The following POLR1D variants were observed in gnomAD, a reference collection of about 807,000 sequenced individuals.
POLR1D encodes RNA polymerase I and III subunit D.
In POLR1D, 8 loss-of-function variants were observed where a neutral mutation model predicts 10.8. That is an observed-to-expected ratio of 0.74 (90% CI 0.43 to 1.33). The LOEUF (loss-of-function observed/expected upper bound fraction) is 1.33, where lower values mean the gene tolerates loss of function less well. POLR1D is among the 40% of genes most tolerant of loss of function. The probability of loss-of-function intolerance (pLI) is 0.01; values close to 1 mark genes in which losing one functional copy is unlikely to be tolerated. For synonymous variants in POLR1D, 54 were observed against 57.2 expected, an observed-to-expected ratio of 0.94 and a Z score of 0.25; for missense variants, 152 against 161.7, an observed-to-expected ratio of 0.94 and a Z score of 0.32.
At chr13:27,659,506 TAA>T (rs1956338622) in intron 2 of POLR1D, among the ~76,000 whole-genome samples, 1 of 152,206 alleles carries the variant, frequency 6.6e-6, no homozygotes, top group Admixed American at 6.5e-5. Context: ...GATGGGACTA[TAA>T]CTTTGCTTTC....
downstream of POLR1D, among the ~76,000 whole-genome samples, chr13:27,627,977 C>G (rs1956034488): frequency 6.6e-6 from 1 of 152,134 alleles, no homozygotes; most frequent in Non-Finnish European, 1.5e-5. Flanking sequence ...GGCCCCATAT[C>G]CAGGTTCATT....
chr13:27,665,876 C>G (rs779448999), exon 3 of POLR1D: 4 of 1,613,984 alleles, frequency 2.5e-6, no homozygotes, highest in Non-Finnish European at 3.4e-6. Context: ...CTTCCGCGCT[C>G]GAGGTTCCGC....
At chr13:27,622,404 T>G (rs546670738) in intron 1 of POLR1D, 1 of 320,328 alleles carries the variant, frequency 3.1e-6, no homozygotes, top group South Asian at 4.1e-5. Context: ...CCCTGCTGCT[T>G]GACTCCTGAA....
intron 2 of POLR1D, among the ~76,000 whole-genome samples, chr13:27,664,344 C>T (rs566314273): frequency 6.6e-6 from 1 of 152,340 alleles, no homozygotes; most frequent in East Asian, 1.9e-4. Context: ...GTCTCATTCA[C>T]TGTGGCTTCT....
intron 2 of POLR1D, chr13:27,648,579 C>G: frequency 1.5e-6 from 1 of 652,340 alleles, no homozygotes; most frequent in Non-Finnish European, 2.8e-6. Context: ...CTCTCAGAGA[C>G]AAGTGTAGAG....
intron 2 of POLR1D, among the ~76,000 whole-genome samples, chr13:27,655,908 G>A (rs499852): frequency 0.52 from 78,642 of 151,822 alleles, 22,040 homozygotes; most frequent in East Asian, 0.81. Flanking sequence ...CGACATATGT[G>A]TATGAACTAA....
chr13:27,627,768 AGAATGGGT>A (rs1353984394), downstream of POLR1D, among the ~76,000 whole-genome samples: 2 of 135,630 alleles, frequency 1.5e-5, no homozygotes, highest in East Asian at 4.1e-4. Context: ...GCCTGTGTGC[AGAATGGGT>A]GAGTGGAAGG....
chr13:27,635,459 C>T (rs1008545990), intron 1 of POLR1D, among the ~76,000 whole-genome samples: 1 of 151,540 alleles, frequency 6.6e-6, no homozygotes, highest in African/African-American at 2.4e-5. Flanking sequence ...ACAAGGCAGC[C>T]TCCCTAAGCC....
intron 1 of POLR1D, among the ~76,000 whole-genome samples, chr13:27,635,166 A>G (rs1427974658): frequency 6.6e-6 from 1 of 152,182 alleles, no homozygotes; most frequent in Non-Finnish European, 1.5e-5. Context: ...TGAATGAGAG[A>G]GTAACTTGTT....
chr13:27,664,365 G>A (rs1956394933), intron 2 of POLR1D, among the ~76,000 whole-genome samples: 1 of 152,124 alleles, frequency 6.6e-6, no homozygotes, highest in African/African-American at 2.4e-5. Flanking sequence ...AAACTCCAGA[G>A]CTGTCACCAC....
intron 1 of POLR1D, among the ~76,000 whole-genome samples, chr13:27,639,940 T>G (rs145684285): frequency 6.6e-6 from 1 of 152,290 alleles, no homozygotes; most frequent in African/African-American, 2.4e-5. Flanking sequence ...AGTGTAAGGA[T>G]TAAGATCCTG....
chr13:27,627,158 C>T (rs139927285), downstream of POLR1D, among the ~76,000 whole-genome samples: 2 of 152,130 alleles, frequency 1.3e-5, no homozygotes, highest in Non-Finnish European at 2.9e-5. Flanking sequence ...CCAAATCTAC[C>T]CATCTGCTTT....
intron 2 of POLR1D, among the ~76,000 whole-genome samples, chr13:27,652,802 G>A (rs924496301): frequency 6.7e-6 from 1 of 149,222 alleles, no homozygotes; most frequent in African/African-American, 2.5e-5. Flanking sequence ...GCAAGAGGGA[G>A]GTTACAGTAA....
chr13:27,645,827 A>G (rs1200867142), intron 1 of POLR1D, among the ~76,000 whole-genome samples: 1 of 152,140 alleles, frequency 6.6e-6, no homozygotes, highest in Non-Finnish European at 1.5e-5. Context: ...GTACTCGTAA[A>G]CCAGAAGGCA....
chr13:27,629,960 G>C (rs1337138807), intron 1 of POLR1D, among the ~76,000 whole-genome samples: 1 of 152,122 alleles, frequency 6.6e-6, no homozygotes, highest in Non-Finnish European at 1.5e-5. Flanking sequence ...TGCCCAGGCT[G>C]GAGTGCAGTG....
chr13:27,621,869 C>A, upstream of POLR1D: 1 of 1,126,504 alleles, frequency 8.9e-7, no homozygotes, highest in Non-Finnish European at 1.3e-6. Context: ...TCCTTCCGTC[C>A]TCCGCGCCTT....
chr13:27,636,474 A>T (rs953358162), intron 1 of POLR1D, among the ~76,000 whole-genome samples: 1 of 152,224 alleles, frequency 6.6e-6, no homozygotes, highest in African/African-American at 2.4e-5. Context: ...AGGTAATTAA[A>T]ATGAAAGTTA....
intron 1 of POLR1D, among the ~76,000 whole-genome samples, chr13:27,631,812 A>G (rs1956075870): frequency 6.6e-6 from 1 of 152,210 alleles, no homozygotes; most frequent in Non-Finnish European, 1.5e-5. Context: ...ATTACATACC[A>G]GTGTCAGAGT....
intron 2 of POLR1D, among the ~76,000 whole-genome samples, chr13:27,654,847 C>A (rs1262939410): frequency 6.6e-6 from 1 of 152,184 alleles, no homozygotes; most frequent in East Asian, 1.9e-4. Flanking sequence ...TTCATCACTG[C>A]CTTGTTTCTT....
Sources: gnomAD v4.1 joint callset for allele counts (sites outside exome capture counted in the v4.1 genomes callset) on GRCh38, gnomAD v4.1.1 for gene constraint, MANE v1.5 for transcripts, NCBI Gene and HGNC (gene_info 2026-07-23, HGNC 2026-07-21) for gene names.